The following FANCC variants were observed in gnomAD, a reference collection of about 807,000 sequenced individuals.
The protein encoded by FANCC is Fanconi anemia group C protein.
FANCC carries 55 observed loss-of-function variants against 71.3 expected under a neutral mutation model. That is an observed-to-expected ratio of 0.77 (90% CI 0.62 to 0.97). FANCC has a LOEUF of 0.97. Among genes scored for constraint, FANCC ranks in the 50% least tolerant of loss-of-function variants. FANCC has a pLI of 0.00. For synonymous variants in FANCC, 275 were observed against 244.9 expected, an observed-to-expected ratio of 1.12 and a Z score of -1.15; for missense variants, 678 against 670.9, an observed-to-expected ratio of 1.01 and a Z score of -0.12.
chr9:95,253,909 G>A (rs1180954902), intron 1 of FANCC, among the ~76,000 whole-genome samples: 1 of 152,244 alleles, frequency 6.6e-6, no homozygotes, highest in Non-Finnish European at 1.5e-5. Flanking sequence ...TGCATGTGCA[G>A]TTCACAAGAG....
At chr9:95,159,397 G>A (rs186796187) in intron 6 of FANCC, among the ~76,000 whole-genome samples, 1 of 152,302 alleles carries the variant, frequency 6.6e-6, no homozygotes, top group South Asian at 2.1e-4. Flanking sequence ...ATTCCATGGT[G>A]TATTTGTGCC....
rs1489049330 is a variant in FANCC at position 95,183,283 on chromosome 9, A to G, written c.346-11136T>C. On this transcript the variant is annotated intron_variant, in intron 4 of 14. Coordinates refer to ENST00000289081, the MANE Select transcript of FANCC (RefSeq NM_000136.3). ...TGTGTTTCTCTCCCTGCACCTTCCAAGGTCACCTTGCAGTGTAACGGTGAG... is the reference window on the plus strand; with the variant it reads ...TGTGTTTCTCTCCCTGCACCTTCCAGGGTCACCTTGCAGTGTAACGGTGAG... 3.3e-5 allele frequency among the ~76,000 whole-genome samples: 5 copies of G among 152,126 alleles called. No homozygotes were observed. The East Asian group carries it at 9.6e-4, about 29-fold the overall frequency.
chr9:95,308,527 C>A (rs1835196720), intron 1 of FANCC, among the ~76,000 whole-genome samples: 1 of 152,056 alleles, frequency 6.6e-6, no homozygotes, highest in Non-Finnish European at 1.5e-5. Context: ...CTCAAGTGAT[C>A]CACCCGCCTT....
At chr9:95,275,849 G>T (rs1057020143) in intron 1 of FANCC, among the ~76,000 whole-genome samples, 8 of 151,926 alleles carry the variant, frequency 5.3e-5, no homozygotes, top group Non-Finnish European at 1.2e-4. Context: ...CAAGACCTCA[G>T]TCTCTAAAAA....
intron 1 of FANCC, among the ~76,000 whole-genome samples, chr9:95,286,206 T>G (rs1484114849): frequency 6.6e-6 from 1 of 152,234 alleles, no homozygotes; most frequent in Non-Finnish European, 1.5e-5. Flanking sequence ...ATTATTTTAT[T>G]GTACTTTTCA....
chr9:95,260,047 G>A (rs1337079599), intron 1 of FANCC, among the ~76,000 whole-genome samples: 4 of 152,202 alleles, frequency 2.6e-5, no homozygotes, highest in South Asian at 2.1e-4. Flanking sequence ...AACAACAGAT[G>A]CCGAAGAGGA....
At chr9:95,234,806 G>A (rs1250836779) in intron 4 of FANCC, among the ~76,000 whole-genome samples, 2 of 152,210 alleles carry the variant, frequency 1.3e-5, no homozygotes, top group African/African-American at 4.8e-5. Flanking sequence ...CAGAAGGCCA[G>A]CAGGCTTTAG....
intron 4 of FANCC, among the ~76,000 whole-genome samples, chr9:95,206,112 A>C (rs914142047): frequency 6.6e-6 from 1 of 152,230 alleles, no homozygotes; most frequent in Non-Finnish European, 1.5e-5. Context: ...AAAGCATCAT[A>C]TGTAAAAAGG....
rs981021395 is a variant in FANCC, at chr9:95,110,826, C to T, written c.1329+637G>A. On this transcript the variant is annotated intron_variant, in intron 13 of 14. Coordinates refer to ENST00000289081, the MANE Select transcript of FANCC (RefSeq NM_000136.3). Reference sequence around the variant, plus strand: ...AATGCCTTTAATCAAAGCATTGCTTCCTGTAATTATTATATTCCACATAAA... The same window carrying T: ...AATGCCTTTAATCAAAGCATTGCTTTCTGTAATTATTATATTCCACATAAA... The T allele has an allele frequency of 6.9e-6, 8 of 1,153,554 alleles. No individual in the cohort carries two copies. In the South Asian group the frequency reaches 1.8e-4, roughly 27 times the overall value. The allele number at this position is 1,153,554 out of a possible 1,614,324, so 71.5% of individuals were successfully genotyped here.
chr9:95,303,137 T>C lies in FANCC; in HGVS notation c.-79+14389A>G, dbSNP rs543469864. Among the ~76,000 whole-genome samples the C allele has an allele frequency of 3.2e-4, 48 of 152,364 alleles. No individual in the cohort carries two copies. In the East Asian group the frequency reaches 8.3e-3, roughly 26 times the overall value. On this transcript the variant is annotated intron_variant, in intron 1 of 14. Coordinates refer to ENST00000289081, the MANE Select transcript of FANCC (RefSeq NM_000136.3). ...CTGGCTCTATCTGTCCATCCAATAC[T>C]GCAGGCGCCAGCTGCATGTGGCTTC...
intron 10 of FANCC, 138 bp downstream of exon 10, chr9:95,124,948 G>C (rs1384974700): frequency 1.3e-6 from 1 of 748,924 alleles, no homozygotes; most frequent in Admixed American, 2.0e-5. Context: ...AACCTTTGTT[G>C]GGGCACTCAT....
intron 8 of FANCC, among the ~76,000 whole-genome samples, chr9:95,132,087 C>T (rs1826995095): frequency 6.6e-6 from 1 of 152,202 alleles, no homozygotes; most frequent in African/African-American, 2.4e-5. Context: ...TGGGCGCCTC[C>T]TCTGCTCCTT....
chr9:95,240,866 T>C (rs900542973), intron 3 of FANCC, 123 bp from the exon 4 acceptor site: 10 of 675,166 alleles, frequency 1.5e-5, no homozygotes, highest in Non-Finnish European at 2.1e-5. Flanking sequence ...TATCCCTGAA[T>C]ATAACATTTG....
At chr9:95,168,109 C>T (rs924728816) in intron 6 of FANCC, among the ~76,000 whole-genome samples, 7 of 152,160 alleles carry the variant, frequency 4.6e-5, no homozygotes, top group Admixed American at 1.3e-4. Flanking sequence ...ATCTTCCCCT[C>T]CCCTCTAGTG....
chr9:95,238,446 T>A (rs1230087166), intron 4 of FANCC, among the ~76,000 whole-genome samples: 1 of 152,166 alleles, frequency 6.6e-6, no homozygotes, highest in Non-Finnish European at 1.5e-5. Flanking sequence ...ATTTCTCAAC[T>A]TATCACTACA....
intron 1 of FANCC, chr9:95,293,031 T>C: frequency 6.3e-7 from 1 of 1,591,644 alleles, no homozygotes; most frequent in Non-Finnish European, 8.6e-7. Context: ...AATGGAAAAC[T>C]GTGCAAAACC....
At chr9:95,305,663 C>T (rs549016591) in intron 1 of FANCC, among the ~76,000 whole-genome samples, 2 of 152,206 alleles carry the variant, frequency 1.3e-5, no homozygotes, top group African/African-American at 4.8e-5. Flanking sequence ...GTTAAATGAC[C>T]ATCAAGAATA....
rs772474835 is a variant in FANCC, at chr9:95,107,247, C to G, written c.1352G>C (p.Gly451Ala). The G allele has an allele frequency of 6.2e-7, 1 of 1,613,980 alleles. No individual in the cohort carries two copies. ...GCTTCTGGACATTGCCAGGAGGTGGCCCAGCACGGCCTTCACCTGGACCTG... is the reference window on the plus strand; with the variant it reads ...GCTTCTGGACATTGCCAGGAGGTGGGCCAGCACGGCCTTCACCTGGACCTG... ...QTMVQVKAVL[G>A]HLLAMSRSSS... is the part of the protein sequence containing the mutation. The change falls in exon 14 of 15, where the codon GGC becomes GCC. Residue 451 changes from glycine (G) to alanine (A), a missense_variant. Coordinates refer to ENST00000289081, the MANE Select transcript of FANCC (RefSeq NM_000136.3).
intron 7 of FANCC, among the ~76,000 whole-genome samples, chr9:95,144,080 G>A (rs375385497): frequency 4.0e-5 from 6 of 151,428 alleles, no homozygotes; most frequent in African/African-American, 1.5e-4. Flanking sequence ...GGGTTAGAGT[G>A]CATTGGTCAA....
Sources: allele counts gnomAD v4.1 joint callset (sites outside exome capture counted in the v4.1 genomes callset), GRCh38; gene constraint gnomAD v4.1.1; transcripts MANE v1.5; gene names NCBI Gene and HGNC (gene_info 2026-07-23, HGNC 2026-07-21).